The following PSORS1C1 variants were observed in gnomAD, a reference collection of about 807,000 sequenced individuals.
PSORS1C1 encodes the protein psoriasis susceptibility 1 candidate 1, also known as psoriasis susceptibility 1 candidate gene 1 protein.
In PSORS1C1, 7 loss-of-function variants were observed where a neutral mutation model predicts 9.4. The observed-to-expected ratio is 0.75, with a 90% CI of 0.42 to 1.40. The LOEUF (loss-of-function observed/expected upper bound fraction) is 1.40, where lower values mean the gene tolerates loss of function less well. PSORS1C1 is among the 40% of genes most tolerant of loss of function. The pLI is 0.01. For missense variants in PSORS1C1, 146 were observed against 178.1 expected (o/e 0.82, Z 1.02); for synonymous variants, 63 against 69.4 (o/e 0.91, Z 0.46).
Position 31,139,215 on chromosome 6 carries a change from T to G in PSORS1C1, c.168-426T>G. On this transcript the variant is annotated intron_variant, in intron 5 of 5. Coordinates refer to ENST00000259881, the MANE Select transcript of PSORS1C1 (RefSeq NM_014068.3). The surrounding 1 kb of genome is among the most constrained non-coding windows in gnomAD (Gnocchi z 5.2). Reference sequence around the variant, plus strand: ...CACCCCTGAAGGTGGCGTCCCTTATTTTAGTCCTCCAGCCCAGGACCCAGC... The same window carrying G: ...CACCCCTGAAGGTGGCGTCCCTTATGTTAGTCCTCCAGCCCAGGACCCAGC... The G allele has an allele frequency of 1.7e-6, 1 of 596,356 alleles. No individual in the cohort carries two copies. Among genetic ancestry groups the G allele is most frequent in the South Asian group, 2.1e-5 (1 of 48,070 alleles). 36.9% of individuals were successfully genotyped at this position (596,356 alleles called of 1,614,324 possible).
At chr6:31,116,362 G>A in intron 1 of PSORS1C1, 1 of 1,611,050 alleles carries the variant, frequency 6.2e-7, no homozygotes, top group Non-Finnish European at 8.5e-7. Context: ...GCTCTGGGAA[G>A]CACTGCCGCA....
chr6:31,122,656 G>A lies in PSORS1C1; in HGVS notation c.-228-3020G>A, dbSNP rs552515318. On this transcript the variant is annotated intron_variant, in intron 1 of 5. Coordinates refer to ENST00000259881, the MANE Select transcript of PSORS1C1 (RefSeq NM_014068.3). ...TAGCCAGGCGTGGTGGTGGGCGCCT[G>A]TAATCCCTGCTACTCGGGAGGCTGA... Among the ~76,000 whole-genome samples the A allele has an allele frequency of 2.1e-4, 32 of 152,306 alleles. 1 individual carries two copies. In the East Asian group the frequency reaches 6.0e-3, roughly 28 times the overall value.
chr6:31,133,605 C>G (rs544269620), intron 3 of PSORS1C1: 1 of 152,266 alleles, frequency 6.6e-6, no homozygotes, highest in Non-Finnish European at 1.5e-5. Flanking sequence ...TCCAGCTCAC[C>G]GTGACTCTTC....
At chr6:31,117,717 A>G (rs1772243861) in intron 1 of PSORS1C1, 2 of 613,324 alleles carry the variant, frequency 3.3e-6, no homozygotes, top group South Asian at 3.9e-5. Context: ...GAATAAAGGC[A>G]TTTCTTTGTT....
At position 31,139,142 on chromosome 6, in the gene PSORS1C1, T is replaced by C; in HGVS notation, c.167+363T>C. On this transcript the variant is annotated intron_variant, in intron 5 of 5. Coordinates refer to ENST00000259881, the MANE Select transcript of PSORS1C1 (RefSeq NM_014068.3). This position sits in a 1 kb window ranked among gnomAD's most constrained non-coding sequence, Gnocchi z 5.2. Reference sequence around the variant, plus strand: ...CCAGCCCAGTGGCACAGGAATACCATCAGAACAGAACTGGTCAAACCCGTT... The same window carrying C: ...CCAGCCCAGTGGCACAGGAATACCACCAGAACAGAACTGGTCAAACCCGTT... 1 of 807,958 alleles carries C rather than the reference T, an allele frequency of 1.2e-6. No homozygotes were observed. Among genetic ancestry groups the C allele is most frequent in the Non-Finnish European group, 2.1e-6 (1 of 479,848 alleles). The allele number at this position is 807,958 out of a possible 1,614,324, so 50.0% of individuals were successfully genotyped here. A position where few individuals can be genotyped will look rare whatever the true frequency, so the allele number is the denominator to read the frequency against.
In PSORS1C1 at chr6:31,123,183, C is replaced by A. The variant is rs191774432; in HGVS notation, c.-228-2493C>A. On this transcript the variant is annotated intron_variant, in intron 1 of 5. Transcript: ENST00000259881. Reference sequence around the variant, plus strand: ...CGTGGACTGGCGGTGCAGCCACGTCCCTCCTCCTGGCTACTCTCTCCTGTC... The same window carrying A: ...CGTGGACTGGCGGTGCAGCCACGTCACTCCTCCTGGCTACTCTCTCCTGTC... Among the ~76,000 whole-genome samples, 19 of 152,316 alleles carry A rather than the reference C, an allele frequency of 1.2e-4. No homozygotes were observed. In the East Asian group the frequency reaches 3.7e-3, roughly 29 times the overall value.
intron 2 of PSORS1C1, among the ~76,000 whole-genome samples, chr6:31,127,739 G>T (rs569749233): frequency 6.6e-6 from 1 of 151,854 alleles, no homozygotes; most frequent in Non-Finnish European, 1.5e-5. Context: ...ACTTGAACCC[G>T]GGAGGTAGAG....
chr6:31,138,104 C>G, intron 3 of PSORS1C1: 1 of 1,600,886 alleles, frequency 6.2e-7, no homozygotes, highest in African/African-American at 1.3e-5. Context: ...CCGTTCTAGG[C>G]GGTTCAGGGA....
At chr6:31,121,992 G>A (rs1347549551) in intron 1 of PSORS1C1, among the ~76,000 whole-genome samples, 1 of 152,208 alleles carries the variant, frequency 6.6e-6, no homozygotes, top group Non-Finnish European at 1.5e-5. Context: ...AGGGGCTGAG[G>A]GAGCTGTGGA....
chr6:31,124,189 C>CA lies in PSORS1C1; in HGVS notation c.-228-1484dup, dbSNP rs760955702. Among the ~76,000 whole-genome samples the CA allele has an allele frequency of 1.2e-3, 176 of 152,204 alleles. 1 individual carries two copies. The highest frequency in any genetic ancestry group is 0.01 in the Middle Eastern group (3 of 294). On this transcript the variant is annotated intron_variant, in intron 1 of 5. Coordinates refer to ENST00000259881, the MANE Select transcript of PSORS1C1 (RefSeq NM_014068.3). ...GGAACCAAACGGCTTTGAATGATCA[C>CA]AAAGGGGGCTGAAGCATGGCGTGCT... is the stretch of plus-strand genomic sequence containing the variant.
At chr6:31,134,523 T>G (rs1046021408) in intron 3 of PSORS1C1, among the ~76,000 whole-genome samples, 1 of 152,054 alleles carries the variant, frequency 6.6e-6, no homozygotes, top group Non-Finnish European at 1.5e-5. Flanking sequence ...GCCAGGATGG[T>G]CTCGATCTCC....
chr6:31,125,376 C>T lies in PSORS1C1; in HGVS notation c.-228-300C>T, dbSNP rs371094847. Among the ~76,000 whole-genome samples, 95 of 152,268 alleles carry T rather than the reference C, an allele frequency of 6.2e-4. No individual in the cohort carries two copies. In the East Asian group the frequency reaches 8.1e-3, roughly 13 times the overall value. On this transcript the variant is annotated intron_variant, in intron 1 of 5. Transcript: ENST00000259881. ...CACAACAACACCCTCCTCTCCTTGG[C>T]GTGGAAGCCAGCGCTCCTGGCCCAC... is the stretch of plus-strand genomic sequence containing the variant.
rs1772784301 is a variant in PSORS1C1, at chr6:31,128,685, CAGG to C, written c.-64-881_-64-879del. On this transcript the variant is annotated intron_variant, in intron 2 of 5. Coordinates refer to ENST00000259881, the MANE Select transcript of PSORS1C1 (RefSeq NM_014068.3). This position sits in a 1 kb window ranked among gnomAD's most constrained non-coding sequence, Gnocchi z 4.3. ...TGGTGGGCACTTAATTAAAGATTAG[CAGG>C]AGAAGAAAAATGTACAGTAAGAGAG... Among the ~76,000 whole-genome samples, 1 of 152,126 alleles carries C rather than the reference CAGG, an allele frequency of 6.6e-6. No individual in the cohort carries two copies. The highest frequency in any genetic ancestry group is 1.5e-5 in the Non-Finnish European group (1 of 68,014).
chr6:31,116,050 T>C, intron 1 of PSORS1C1: 1 of 1,611,844 alleles, frequency 6.2e-7, no homozygotes, highest in Non-Finnish European at 8.5e-7. Flanking sequence ...TAACTCTCCT[T>C]GGGGTAGGAA....
chr6:31,117,706 C>T (rs1399283606), intron 1 of PSORS1C1: 8 of 617,028 alleles, frequency 1.3e-5, no homozygotes, highest in Non-Finnish European at 2.0e-5. Context: ...TTGAGGTGGC[C>T]GAATAAAGGC....
chr6:31,114,802 T>A lies in PSORS1C1; in HGVS notation c.-318T>A. 2.2e-6 allele frequency: 1 copy of A among 452,252 alleles called. No homozygotes were observed. The highest frequency in any genetic ancestry group is 4.4e-6 in the Non-Finnish European group (1 of 225,210). The allele number at this position is 452,252 out of a possible 1,614,324, so 28.0% of individuals were successfully genotyped here. ...CAGCTGACAGGAATCTGGTTGGAGTTGTTGTGTCCCAGCCTTCCCAAGCTT... is the reference window on the plus strand; with the variant it reads ...CAGCTGACAGGAATCTGGTTGGAGTAGTTGTGTCCCAGCCTTCCCAAGCTT... On this transcript the variant is annotated 5_prime_UTR_variant, in exon 1 of 6. Coordinates refer to ENST00000259881, the MANE Select transcript of PSORS1C1 (RefSeq NM_014068.3).
intron 3 of PSORS1C1, chr6:31,138,057 G>A (rs751039996): frequency 3.9e-6 from 6 of 1,540,294 alleles, no homozygotes; most frequent in Non-Finnish European, 1.7e-6. Context: ...GGGTCCTGCC[G>A]GCCAAGGGTC....
chr6:31,138,864 G>A, intron 5 of PSORS1C1, 85 bp downstream of exon 5: 1 of 1,604,880 alleles, frequency 6.2e-7, no homozygotes, highest in Non-Finnish European at 8.5e-7. Context: ...TGCACCTTCT[G>A]CGTCCCCTGA....
chr6:31,117,528 C>T (rs1772230589), intron 1 of PSORS1C1: 1 of 1,549,792 alleles, frequency 6.5e-7, no homozygotes, highest in Admixed American at 2.0e-5. Flanking sequence ...TAGCCAAGGT[C>T]CCTGTGGAGG....
Sources: gnomAD v4.1 joint callset for allele counts (sites outside exome capture counted in the v4.1 genomes callset) on GRCh38, gnomAD v4.1.1 for gene constraint, Gnocchi (gnomAD v3.1) non-coding constraint, MANE v1.5 for transcripts, NCBI Gene and HGNC (gene_info 2026-07-23, HGNC 2026-07-21) for gene names.